Variants in KHDRBS2 observed in about 807,000 individuals in gnomAD.
KHDRBS2 encodes the protein KH RNA binding domain containing, signal transduction associated 2.
In KHDRBS2, 26 loss-of-function variants were observed where a neutral mutation model predicts 44.3. The observed-to-expected ratio is 0.59, with a 90% CI of 0.43 to 0.81. The LOEUF (loss-of-function observed/expected upper bound fraction) is 0.81, where lower values mean the gene tolerates loss of function less well. KHDRBS2 is among the 40% of genes least tolerant of loss of function. KHDRBS2 has a pLI of 0.00. For synonymous variants in KHDRBS2, 194 were observed against 151.1 expected (o/e 1.28, Z -2.08); for missense variants, 476 against 433.1 (o/e 1.10, Z -0.88).
At chr6:62,009,676 C>T (rs1457831417) in intron 3 of KHDRBS2, among the ~76,000 whole-genome samples, 1 of 152,160 alleles carries the variant, frequency 6.6e-6, no homozygotes, top group African/African-American at 2.4e-5. Context: ...GCCCTGTGTC[C>T]CTGCCACTCC....
chr6:61,715,190 C>T (rs968956219), intron 7 of KHDRBS2, among the ~76,000 whole-genome samples: 2 of 151,606 alleles, frequency 1.3e-5, no homozygotes, highest in African/African-American at 2.4e-5. Context: ...AAGAAAACAA[C>T]GAACGCATAG....
the KHDRBS2 span, among the ~76,000 whole-genome samples, chr6:61,637,392 T>C: frequency 3.9e-5 from 6 of 152,238 alleles, no homozygotes; most frequent in Middle Eastern, 3.4e-3. Context: ...CATAGTATTC[T>C]GTGGTGTATA....
the KHDRBS2 span, among the ~76,000 whole-genome samples, chr6:61,647,528 G>T: frequency 6.6e-6 from 1 of 152,084 alleles, no homozygotes; most frequent in Non-Finnish European, 1.5e-5. Flanking sequence ...TCAGTTATTA[G>T]TTGTGATGCA....
chr6:61,567,746 C>T, the KHDRBS2 span, among the ~76,000 whole-genome samples: 2 of 151,930 alleles, frequency 1.3e-5, no homozygotes, highest in African/African-American at 4.8e-5. Context: ...TCTTCCCTGA[C>T]ACAATACTCT....
chr6:61,704,757 T>C (rs1769223848), intron 7 of KHDRBS2, among the ~76,000 whole-genome samples: 1 of 89,800 alleles, frequency 1.1e-5, no homozygotes, highest in Non-Finnish European at 2.9e-5. Flanking sequence ...ATTCAACACA[T>C]AGTAGTGCTC....
intron 3 of KHDRBS2, among the ~76,000 whole-genome samples, chr6:62,008,211 A>C (rs979711135): frequency 6.6e-6 from 1 of 152,174 alleles, no homozygotes; most frequent in African/African-American, 2.4e-5. Context: ...GCTGGATATA[A>C]CCTGCCTCAG....
At chr6:61,655,403 G>A in the KHDRBS2 span, among the ~76,000 whole-genome samples, 25 of 151,852 alleles carry the variant, frequency 1.6e-4, no homozygotes, top group East Asian at 3.9e-4. Context: ...ACAGGTATGC[G>A]CCACCACATC....
chr6:61,782,748 CATAT>C (rs796195177), intron 6 of KHDRBS2, among the ~76,000 whole-genome samples: 13 of 132,180 alleles, frequency 9.8e-5, no homozygotes, highest in Middle Eastern at 8.2e-3. Flanking sequence ...TACACACACA[CATAT>C]ACATATACAT....
chr6:61,585,275 A>G, the KHDRBS2 span, among the ~76,000 whole-genome samples: 1 of 151,660 alleles, frequency 6.6e-6, no homozygotes, highest in Non-Finnish European at 1.5e-5. Flanking sequence ...AAAAGTCCTC[A>G]AAAAAAAGAC....
At chr6:61,568,134 A>C in the KHDRBS2 span, among the ~76,000 whole-genome samples, 1 of 152,160 alleles carries the variant, frequency 6.6e-6, no homozygotes, top group Non-Finnish European at 1.5e-5. Context: ...GATTTTATCA[A>C]ATATCAGTTG....
chr6:61,637,337 T>C, the KHDRBS2 span, among the ~76,000 whole-genome samples: 1 of 152,166 alleles, frequency 6.6e-6, no homozygotes, highest in African/African-American at 2.4e-5. Context: ...TCCAGTTTCA[T>C]CCATGTCCCT....
Position 61,879,585 on chromosome 6 carries a change from C to T in KHDRBS2, c.810+15050G>A, listed in dbSNP as rs113160480. On this transcript the variant is annotated intron_variant, in intron 6 of 8. Coordinates refer to ENST00000281156, the MANE Select transcript of KHDRBS2 (RefSeq NM_152688.4). ...AAACTAAAGCCCTAACATTTTTATC[C>T]TTCATTGCCTCTGCCTGTGGAAATT... Among the ~76,000 whole-genome samples, 294 of 151,986 alleles carry T rather than the reference C, an allele frequency of 1.9e-3. 1 individual carries two copies. Among genetic ancestry groups the T allele is most frequent in the African/African-American group, 6.7e-3 (277 of 41,506 alleles).
At chr6:61,858,261 A>C (rs1445970804) in intron 6 of KHDRBS2, among the ~76,000 whole-genome samples, 1 of 150,748 alleles carries the variant, frequency 6.6e-6, no homozygotes, top group Non-Finnish European at 1.5e-5. Context: ...AAAAAAAAAA[A>C]CTATATAATG....
chr6:61,648,401 C>G, the KHDRBS2 span, among the ~76,000 whole-genome samples: 1 of 152,020 alleles, frequency 6.6e-6, no homozygotes, highest in Admixed American at 6.6e-5. Context: ...GAAAAGTATC[C>G]TAACCTTCCC....
chr6:62,089,569 C>A (rs193148616), intron 2 of KHDRBS2, among the ~76,000 whole-genome samples: 125 of 152,192 alleles, frequency 8.2e-4, no homozygotes, highest in African/African-American at 2.9e-3. Context: ...ACTGCCTAAC[C>A]AGTCCCAATG....
At chr6:62,044,742 A>T (rs887633696) in intron 3 of KHDRBS2, among the ~76,000 whole-genome samples, 3 of 152,024 alleles carry the variant, frequency 2.0e-5, no homozygotes, top group African/African-American at 7.2e-5. Flanking sequence ...TTTCTGTTGG[A>T]TAAAAAGATT....
chr6:61,580,755 T>A, the KHDRBS2 span, among the ~76,000 whole-genome samples: 1 of 152,052 alleles, frequency 6.6e-6, no homozygotes, highest in African/African-American at 2.4e-5. Context: ...ATTCCTGAAG[T>A]CAGCGAGACC....
the KHDRBS2 span, among the ~76,000 whole-genome samples, chr6:61,640,297 A>G: frequency 1.3e-5 from 2 of 151,870 alleles, no homozygotes; most frequent in Non-Finnish European, 2.9e-5. Flanking sequence ...GTAGGTCTAA[A>G]TATTTCCATA....
chr6:61,939,928 T>A lies in KHDRBS2; in HGVS notation c.483+38138A>T, dbSNP rs113890999. Among the ~76,000 whole-genome samples the A allele has an allele frequency of 9.8e-3, 1,488 of 152,318 alleles. 12 individuals are homozygous for A. Among genetic ancestry groups the A allele is most frequent in the Middle Eastern group, 0.02 (6 of 294 alleles). ...AGCAGAATGTTTTGTTCTTCTGATA[T>A]TCAATTCATAAAATAAATGTACCCT... On this transcript the variant is annotated intron_variant, in intron 4 of 8. Coordinates refer to ENST00000281156, the MANE Select transcript of KHDRBS2 (RefSeq NM_152688.4).
Sources: allele counts gnomAD v4.1 joint callset (sites outside exome capture counted in the v4.1 genomes callset), GRCh38; gene constraint gnomAD v4.1.1; transcripts MANE v1.5; gene names NCBI Gene and HGNC (gene_info 2026-07-23, HGNC 2026-07-21).